Variants in KIAA0825 observed in about 807,000 individuals in gnomAD.
KIAA0825 encodes uncharacterized protein KIAA0825.
KIAA0825 carries 119 observed loss-of-function variants against 147.6 expected under a neutral mutation model. The ratio of observed to expected loss-of-function variants is 0.81; its 90% CI spans 0.69 to 0.94. The LOEUF is 0.94. KIAA0825 is among the 40% of genes least tolerant of loss of function. The pLI is 0.00. For missense variants in KIAA0825, 1,381 were observed against 1,472.7 expected (o/e 0.94, Z 1.02); for synonymous variants, 470 against 518.1 (o/e 0.91, Z 1.26).
At chr5:94,271,724 G>T (rs1379504336) in intron 20 of KIAA0825, among the ~76,000 whole-genome samples, 1 of 152,110 alleles carries the variant, frequency 6.6e-6, no homozygotes, top group Non-Finnish European at 1.5e-5. Flanking sequence ...TCCAGCCTGG[G>T]TAACAGAGTG....
rs535791196 is a variant in KIAA0825 at position 94,582,474 on chromosome 5, G to A, written c.-43C>T. The A allele has an allele frequency of 2.8e-4, 42 of 152,248 alleles. No individual in the cohort carries two copies. The highest frequency in any genetic ancestry group is 9.6e-4 in the African/African-American group (40 of 41,548). 9.4% of individuals were successfully genotyped at this position (152,248 alleles called of 1,614,324 possible). On this transcript the variant is annotated 5_prime_UTR_variant, in exon 2 of 21. Transcript: ENST00000682413. ...AGACACTAAGAATGAACTGGTCTTC[G>A]AATCCTAAGGAGGTAGAAAATTATT... is the stretch of plus-strand genomic sequence containing the variant.
At chr5:94,435,004 C>A (rs1057368276) in intron 14 of KIAA0825, among the ~76,000 whole-genome samples, 1 of 151,894 alleles carries the variant, frequency 6.6e-6, no homozygotes, top group Non-Finnish European at 1.5e-5. Flanking sequence ...ACAAAGAGAA[C>A]CTTGTTTTAA....
rs1772175209 is a variant in KIAA0825 at position 94,537,051 on chromosome 5, C to T, written c.76G>A (p.Glu26Lys). 2 of 1,607,468 alleles carry T rather than the reference C, an allele frequency of 1.2e-6. No individual in the cohort carries two copies. The highest frequency in any genetic ancestry group is 8.5e-7 in the Non-Finnish European group (1 of 1,174,374). ...ATGTCACTGAAGATCTGCTCAAACTCCAAGTCTCCAGGAAATGAGTTTAAC... is the reference window on the plus strand; with the variant it reads ...ATGTCACTGAAGATCTGCTCAAACTTCAAGTCTCCAGGAAATGAGTTTAAC... ...CLLNSFPGDL[E>K]FEQIFSDIDE... The change falls in exon 3 of 21, where the codon GAG becomes AAG. Residue 26 changes from glutamate (E) to lysine (K), a missense_variant. By Grantham distance (56) the Glu-to-Lys change is moderately conservative (BLOSUM62 1). Coordinates refer to ENST00000682413, the MANE Select transcript of KIAA0825 (RefSeq NM_001145678.3).
intron 20 of KIAA0825, among the ~76,000 whole-genome samples, chr5:94,288,318 TA>T (rs1476437463): frequency 6.6e-6 from 1 of 152,114 alleles, no homozygotes; most frequent in Admixed American, 6.6e-5. Context: ...TCTGATTTCC[TA>T]ATTAAAGGTA....
chr5:94,471,344 T>C (rs1221910577), intron 9 of KIAA0825, 122 bp downstream of exon 9: 1 of 1,068,420 alleles, frequency 9.4e-7, no homozygotes, highest in African/African-American at 1.6e-5. Flanking sequence ...TGAAAATAAT[T>C]CACCTTGTTA....
chr5:94,443,382 A>G (rs1746080347), intron 13 of KIAA0825, among the ~76,000 whole-genome samples: 1 of 148,220 alleles, frequency 6.7e-6, no homozygotes, highest in African/African-American at 2.5e-5. Context: ...ACACACACAC[A>G]CGTATGTATG....
At chr5:94,180,499 AAC>A (rs1221013150) in intron 20 of KIAA0825, among the ~76,000 whole-genome samples, 1 of 152,160 alleles carries the variant, frequency 6.6e-6, no homozygotes, top group Non-Finnish European at 1.5e-5. Flanking sequence ...AATTACCTAC[AAC>A]CAAGGTTAAT....
intron 20 of KIAA0825, among the ~76,000 whole-genome samples, chr5:94,179,379 GA>G (rs1484222295): frequency 3.8e-4 from 58 of 152,216 alleles, no homozygotes; most frequent in African/African-American, 1.3e-3. Context: ...ACATTGAAGG[GA>G]ATGGGGGAAA....
At chr5:94,474,302 A>G (rs1206422667) in intron 7 of KIAA0825, among the ~76,000 whole-genome samples, 1 of 152,168 alleles carries the variant, frequency 6.6e-6, no homozygotes, top group Non-Finnish European at 1.5e-5. Flanking sequence ...CAGGTCTCCT[A>G]ACATTCTCTA....
At chr5:94,174,747 C>T (rs531172912) in intron 20 of KIAA0825, among the ~76,000 whole-genome samples, 37 of 152,286 alleles carry the variant, frequency 2.4e-4, no homozygotes, top group African/African-American at 8.7e-4. Flanking sequence ...CTACCACATC[C>T]AGTTACCAAC....
chr5:94,612,053 T>A (rs1367561126), intron 1 of KIAA0825: 2 of 152,182 alleles, frequency 1.3e-5, no homozygotes, highest in African/African-American at 4.8e-5. Context: ...AAATCAGTTG[T>A]TTAGCTAATG....
intron 20 of KIAA0825, among the ~76,000 whole-genome samples, chr5:94,184,756 A>G (rs186053882): frequency 2.6e-4 from 40 of 152,318 alleles, no homozygotes; most frequent in African/African-American, 8.9e-4. Context: ...ATTAGGGTTT[A>G]AATGCAAAGA....
At chr5:94,469,021 G>A (rs1300727559) in intron 10 of KIAA0825, among the ~76,000 whole-genome samples, 2 of 152,168 alleles carry the variant, frequency 1.3e-5, no homozygotes, top group Admixed American at 6.5e-5. Context: ...TAATCAATGA[G>A]ATTTAGGTGA....
intron 20 of KIAA0825, among the ~76,000 whole-genome samples, chr5:94,191,719 C>G (rs1158179233): frequency 1.3e-5 from 2 of 152,200 alleles, no homozygotes; most frequent in East Asian, 3.8e-4. Context: ...ATCAATGGCT[C>G]TATTCAGAAG....
chr5:94,612,782 A>G (rs1789238184), intron 1 of KIAA0825, among the ~76,000 whole-genome samples: 1 of 152,226 alleles, frequency 6.6e-6, no homozygotes, highest in Admixed American at 6.5e-5. Context: ...CACAACTGTG[A>G]CAGAGTTGGG....
chr5:94,433,039 T>C (rs990719848), intron 14 of KIAA0825, among the ~76,000 whole-genome samples: 2 of 152,170 alleles, frequency 1.3e-5, no homozygotes, highest in South Asian at 2.1e-4. Context: ...TATTTTATTT[T>C]ATTTTATTTT....
rs1766558894 is a variant in KIAA0825, at chr5:94,152,272, C to T, written c.*1735G>A. Among the ~76,000 whole-genome samples the T allele has an allele frequency of 6.6e-6, 1 of 152,202 alleles. No individual in the cohort carries two copies. Among genetic ancestry groups the T allele is most frequent in the Admixed American group, 6.5e-5 (1 of 15,278 alleles). On this transcript the variant is annotated 3_prime_UTR_variant, in exon 21 of 21. Transcript: ENST00000682413. Reference sequence around the variant, plus strand: ...TGCATGAGTACTTTCCTTTGGAAATCATGTAGCCTACACATATTTTATAAA... The same window carrying T: ...TGCATGAGTACTTTCCTTTGGAAATTATGTAGCCTACACATATTTTATAAA...
chr5:94,228,583 G>A (rs138224549), intron 20 of KIAA0825, among the ~76,000 whole-genome samples: 11 of 152,196 alleles, frequency 7.2e-5, no homozygotes, highest in Non-Finnish European at 1.3e-4. Context: ...ACATCTCACT[G>A]GCCAGAACTA....
rs1026438783 is a variant in KIAA0825, at chr5:94,470,036, G to A, written c.1797C>T (p.Cys599=). The change falls in exon 10 of 21, where the codon TGC becomes TGT. Residue 599 remains cysteine, a synonymous_variant. Transcript: ENST00000682413. Reference sequence around the variant, plus strand: ...AAATGCTTGTAGCACAAACTCTGACGCAGTAGTTCGTAACCTGAAACTGTA... The same window carrying A: ...AAATGCTTGTAGCACAAACTCTGACACAGTAGTTCGTAACCTGAAACTGTA... ...NTLQFQVTNY[C]VRVCATSILQ... 5.2e-6 allele frequency: 8 copies of A among 1,551,452 alleles called. No homozygotes were observed. The highest frequency in any genetic ancestry group is 7.0e-6 in the Non-Finnish European group (8 of 1,146,858).
Sources: allele counts gnomAD v4.1 joint callset (sites outside exome capture counted in the v4.1 genomes callset), GRCh38; gene constraint gnomAD v4.1.1; transcripts MANE v1.5; gene names NCBI Gene and HGNC (gene_info 2026-07-23, HGNC 2026-07-21).